MPPED2: variants seen among roughly 807,000 people sequenced by gnomAD.
MPPED2 encodes the protein metallophosphoesterase domain containing 2, also known as metallophosphoesterase MPPED2.
MPPED2 carries 5 observed loss-of-function variants against 33.0 expected under a neutral mutation model. The ratio of observed to expected loss-of-function variants is 0.15; its 90% CI spans 0.08 to 0.32. The LOEUF (loss-of-function observed/expected upper bound fraction) is 0.32, where lower values mean the gene tolerates loss of function less well. Ranked by LOEUF, MPPED2 falls within the 10% of genes least tolerant of loss-of-function variation. The pLI, the probability that MPPED2 is intolerant of heterozygous loss-of-function variation, is 1.00. For synonymous variants in MPPED2, 136 were observed against 141.9 expected (o/e 0.96, Z 0.29); for missense variants, 275 against 372.1 (o/e 0.74, Z 2.15).
intron 3 of MPPED2, among the ~76,000 whole-genome samples, chr11:30,503,622 G>A (rs957593270): frequency 2.0e-5 from 3 of 152,162 alleles, no homozygotes; most frequent in African/African-American, 7.2e-5. Flanking sequence ...CTTTGTGAAA[G>A]AGAGCCTCCA....
intron 4 of MPPED2, among the ~76,000 whole-genome samples, chr11:30,485,357 A>G (rs1361393632): frequency 2.7e-5 from 4 of 148,110 alleles, no homozygotes; most frequent in Non-Finnish European, 6.0e-5. Flanking sequence ...AGTTATTATT[A>G]TTACTTATAT....
chr11:30,419,694 A>C (rs1290845730), intron 4 of MPPED2, among the ~76,000 whole-genome samples: 2 of 152,216 alleles, frequency 1.3e-5, no homozygotes, highest in Admixed American at 6.5e-5. Flanking sequence ...AGTCACCCTC[A>C]GGATTTGGCT....
At chr11:30,425,374 C>T (rs1948787774) in intron 4 of MPPED2, among the ~76,000 whole-genome samples, 1 of 152,154 alleles carries the variant, frequency 6.6e-6, no homozygotes, top group Non-Finnish European at 1.5e-5. Context: ...AAACAAAAGA[C>T]AACATGACCA....
intron 4 of MPPED2, among the ~76,000 whole-genome samples, chr11:30,439,942 G>T (rs543856409): frequency 6.6e-6 from 1 of 152,332 alleles, no homozygotes; most frequent in African/African-American, 2.4e-5. Context: ...GGCAGAATTA[G>T]CAGTAATATA....
At position 30,414,210 on chromosome 11, in the gene MPPED2, C is replaced by T; in HGVS notation, c.766+18G>A. 6.4e-7 allele frequency: 1 copy of T among 1,570,136 alleles called. No homozygotes were observed. The highest frequency in any genetic ancestry group is 1.1e-5 in the South Asian group (1 of 90,138). Reference sequence around the variant, plus strand: ...ACAGGGGCACAAAATGTTTTGAATTCTTTTCCGCTGTTCTTACCTTCATGG... The same window carrying T: ...ACAGGGGCACAAAATGTTTTGAATTTTTTTCCGCTGTTCTTACCTTCATGG... On this transcript the variant is annotated intron_variant, in intron 6 of 6. Transcript: ENST00000358117.
intron 4 of MPPED2, among the ~76,000 whole-genome samples, chr11:30,458,510 T>A (rs1226565343): frequency 6.6e-6 from 1 of 152,166 alleles, no homozygotes; most frequent in Non-Finnish European, 1.5e-5. Context: ...CCCAATCAAC[T>A]CAGAACCTGA....
intron 3 of MPPED2, among the ~76,000 whole-genome samples, chr11:30,497,093 G>C (rs1952300235): frequency 6.6e-6 from 1 of 152,122 alleles, no homozygotes; most frequent in East Asian, 1.9e-4. Flanking sequence ...CACGTCTTTG[G>C]CCTCAGTTAT....
chr11:30,435,908 G>C (rs527890164), intron 4 of MPPED2, among the ~76,000 whole-genome samples: 66 of 152,136 alleles, frequency 4.3e-4, no homozygotes, highest in Non-Finnish European at 8.2e-4. Context: ...AGGAAAACAT[G>C]CTCAGCATAG....
At chr11:30,535,130 C>A (rs531838298) in intron 3 of MPPED2, among the ~76,000 whole-genome samples, 1 of 152,024 alleles carries the variant, frequency 6.6e-6, no homozygotes, top group Non-Finnish European at 1.5e-5. Flanking sequence ...ATCATTTAAT[C>A]GAAAATTTAA....
downstream of MPPED2, among the ~76,000 whole-genome samples, chr11:30,408,212 T>G (rs549469): frequency 0.66 from 101,130 of 152,144 alleles, 34,267 homozygotes; most frequent in Non-Finnish European, 0.74. Context: ...GGGCCTCAGC[T>G]GAGAGGATGA....
At chr11:30,523,621 C>CTTTTTTTTT (rs755853042) in intron 3 of MPPED2, among the ~76,000 whole-genome samples, 1 of 104,574 alleles carries the variant, frequency 9.6e-6, no homozygotes, top group African/African-American at 4.0e-5. Context: ...AGCAACACAT[C>CTTTTTTTTT]TTTTTTTTTT....
intron 4 of MPPED2, among the ~76,000 whole-genome samples, chr11:30,428,813 A>G (rs954384147): frequency 3.3e-5 from 5 of 152,224 alleles, no homozygotes; most frequent in Non-Finnish European, 7.3e-5. Flanking sequence ...GCCTGCCTAT[A>G]TAGATTAAAA....
At chr11:30,401,078 T>C (rs1290333648) in intron 6 of MPPED2, among the ~76,000 whole-genome samples, 3 of 152,226 alleles carry the variant, frequency 2.0e-5, no homozygotes, top group Non-Finnish European at 4.4e-5. Flanking sequence ...TAAACAATTA[T>C]AAATGAATTT....
chr11:30,472,491 C>T (rs968946899), intron 4 of MPPED2, among the ~76,000 whole-genome samples: 2 of 152,140 alleles, frequency 1.3e-5, no homozygotes, highest in African/African-American at 4.8e-5. Context: ...CACACTTTTG[C>T]TCCAAGTACC....
chr11:30,583,137 T>TTTTTTTTTTTTTTTTTTTTTTTTG, intron 1 of MPPED2, among the ~76,000 whole-genome samples: 1 of 32,256 alleles, frequency 3.1e-5, no homozygotes, highest in African/African-American at 8.9e-5. Flanking sequence ...ACTTTTTCTT[T>TTTTTTTTTTTTTTTTTTTTTTTTG]TTTTTTTTTT....
chr11:30,520,102 C>G (rs192429800), intron 3 of MPPED2, among the ~76,000 whole-genome samples: 1 of 152,122 alleles, frequency 6.6e-6, no homozygotes, highest in African/African-American at 2.4e-5. Context: ...TTCATAAAAA[C>G]GGCAGCGAGA....
Position 30,423,437 on chromosome 11 carries a change from C to T in MPPED2, c.537-5804G>A, listed in dbSNP as rs368392555. ...TTGGAAGCCTTGGGGCAGCTGTGCT[C>T]GGATTTGGCACAGAAGCTGTGAAGG... is the stretch of plus-strand genomic sequence containing the variant. On this transcript the variant is annotated intron_variant, in intron 4 of 6. Coordinates refer to ENST00000358117, the MANE Select transcript of MPPED2 (RefSeq NM_001584.3). Among the ~76,000 whole-genome samples the T allele has an allele frequency of 2.1e-4, 32 of 152,246 alleles. No individual in the cohort carries two copies. In the South Asian group the frequency reaches 6.2e-3, roughly 30 times the overall value.
intron 4 of MPPED2, among the ~76,000 whole-genome samples, chr11:30,475,418 C>T (rs1179022579): frequency 6.6e-6 from 1 of 152,002 alleles, no homozygotes; most frequent in African/African-American, 2.4e-5. Context: ...TTTTTCACCC[C>T]CAGTATATTC....
downstream of MPPED2, chr11:30,410,150 G>A: frequency 1.0e-6 from 1 of 985,084 alleles, no homozygotes. Context: ...TACTGATGTT[G>A]CATATGAATA....
Sources: gnomAD v4.1 joint callset for allele counts (sites outside exome capture counted in the v4.1 genomes callset) on GRCh38, gnomAD v4.1.1 for gene constraint, MANE v1.5 for transcripts, NCBI Gene and HGNC (gene_info 2026-07-23, HGNC 2026-07-21) for gene names.